The following PTPRD variants were observed in gnomAD, a reference collection of about 807,000 sequenced individuals.
The protein encoded by PTPRD is receptor-type tyrosine-protein phosphatase delta.
Under a neutral mutation model 214.5 loss-of-function variants are expected in PTPRD, and 34 were observed. The ratio of observed to expected loss-of-function variants is 0.16; its 90% CI spans 0.12 to 0.21. The LOEUF (loss-of-function observed/expected upper bound fraction) is 0.21. PTPRD is among the 10% of genes least tolerant of loss of function. The probability of loss-of-function intolerance (pLI) is 1.00; values close to 1 mark genes in which losing one functional copy is unlikely to be tolerated. For missense variants in PTPRD, 2,545 were observed against 2,398.7 expected (o/e 1.06, Z -1.27); for synonymous variants, 1,128 against 845.7 (o/e 1.33, Z -5.79).
chr9:9,709,496 A>G (rs1208090623), intron 7 of PTPRD, among the ~76,000 whole-genome samples: 1 of 152,164 alleles, frequency 6.6e-6, no homozygotes, highest in African/African-American at 2.4e-5. Context: ...AAACTGATAA[A>G]TTAGTATAAA....
chr9:8,931,008 T>C (rs1401161758), intron 11 of PTPRD, among the ~76,000 whole-genome samples: 4 of 152,234 alleles, frequency 2.6e-5, no homozygotes, highest in South Asian at 2.1e-4. Context: ...GCCATTGCTT[T>C]GGGTGTTTTA....
intron 8 of PTPRD, among the ~76,000 whole-genome samples, chr9:9,418,413 CTTATA>C (rs769135044): frequency 9.2e-5 from 14 of 151,910 alleles, no homozygotes; most frequent in Non-Finnish European, 2.1e-4. Flanking sequence ...TCTCTTGCAC[CTTATA>C]TTAATGACAA....
intron 10 of PTPRD, among the ~76,000 whole-genome samples, chr9:9,094,713 T>A (rs1350166129): frequency 6.6e-6 from 1 of 152,146 alleles, no homozygotes; most frequent in Non-Finnish European, 1.5e-5. Flanking sequence ...TAGGCCCAGA[T>A]GGCTTCCCTA....
chr9:9,445,016 AT>A (rs1218805549), intron 8 of PTPRD, among the ~76,000 whole-genome samples: 1 of 152,150 alleles, frequency 6.6e-6, no homozygotes, highest in Non-Finnish European at 1.5e-5. Flanking sequence ...TCTTGATCAA[AT>A]TTTAAAAAAA....
intron 4 of PTPRD, among the ~76,000 whole-genome samples, chr9:10,020,640 C>G (rs550031238): frequency 5.3e-5 from 1 of 18,926 alleles, no homozygotes; most frequent in East Asian, 9.7e-4. Flanking sequence ...CTCATCATCC[C>G]TGCCCACTTA....
intron 4 of PTPRD, among the ~76,000 whole-genome samples, chr9:9,942,762 T>C (rs1012768594): frequency 6.6e-6 from 1 of 152,174 alleles, no homozygotes; most frequent in Non-Finnish European, 1.5e-5. Context: ...TTTGTGTGTA[T>C]TTTTCTGTGA....
chr9:9,563,243 G>A (rs1408538359), intron 8 of PTPRD, among the ~76,000 whole-genome samples: 1 of 152,140 alleles, frequency 6.6e-6, no homozygotes, highest in Non-Finnish European at 1.5e-5. Context: ...TTTGAAATGT[G>A]AGAAGAATCC....
chr9:8,936,838 G>C (rs1306321230), intron 11 of PTPRD, among the ~76,000 whole-genome samples: 2 of 152,106 alleles, frequency 1.3e-5, no homozygotes, highest in African/African-American at 4.8e-5. Flanking sequence ...ATTCAAAATG[G>C]TTTCTTATAC....
chr9:8,720,383 A>G (rs927359195), intron 12 of PTPRD, among the ~76,000 whole-genome samples: 3 of 152,138 alleles, frequency 2.0e-5, no homozygotes, highest in Non-Finnish European at 4.4e-5. Context: ...CCACTTCTGC[A>G]CCCTCCTATT....
chr9:8,688,765 A>T (rs919735865), intron 12 of PTPRD, among the ~76,000 whole-genome samples: 1 of 152,164 alleles, frequency 6.6e-6, no homozygotes, highest in Non-Finnish European at 1.5e-5. Context: ...TCCATAGTCA[A>T]ATGAGGTTAT....
intron 2 of PTPRD, among the ~76,000 whole-genome samples, chr9:10,375,751 G>C (rs774263986): frequency 2.6e-5 from 4 of 151,942 alleles, no homozygotes; most frequent in Admixed American, 6.6e-5. Flanking sequence ...AGAATATCTG[G>C]AAAACCTTTG....
At chr9:8,646,524 G>C (rs995747236) in intron 12 of PTPRD, among the ~76,000 whole-genome samples, 2 of 151,974 alleles carry the variant, frequency 1.3e-5, no homozygotes, top group Admixed American at 1.3e-4. Flanking sequence ...CCTCAGTACA[G>C]GCTGTTCCCT....
At chr9:9,631,581 G>C (rs111374420) in intron 7 of PTPRD, among the ~76,000 whole-genome samples, 96 of 152,154 alleles carry the variant, frequency 6.3e-4, no homozygotes, top group African/African-American at 2.1e-3. Context: ...TGTATTACAA[G>C]AGAAAATACA....
intron 8 of PTPRD, among the ~76,000 whole-genome samples, chr9:9,398,690 G>C (rs891886330): frequency 6.6e-6 from 1 of 151,824 alleles, no homozygotes; most frequent in African/African-American, 2.4e-5. Flanking sequence ...AATCATATGG[G>C]AATACATTTT....
chr9:8,487,007 A>C (rs2097032840), intron 27 of PTPRD, among the ~76,000 whole-genome samples: 1 of 152,194 alleles, frequency 6.6e-6, no homozygotes, highest in Non-Finnish European at 1.5e-5. Context: ...AAAAAAACCA[A>C]ACTACAAAAT....
chr9:10,070,905 A>T (rs2097997449), intron 3 of PTPRD, among the ~76,000 whole-genome samples: 1 of 152,046 alleles, frequency 6.6e-6, no homozygotes, highest in Non-Finnish European at 1.5e-5. Flanking sequence ...AATCCCTAGA[A>T]TGAGCAAGTG....
At chr9:8,825,164 C>T (rs1458188824) in intron 11 of PTPRD, among the ~76,000 whole-genome samples, 4 of 151,948 alleles carry the variant, frequency 2.6e-5, no homozygotes, top group African/African-American at 9.7e-5. Context: ...GGTTTCTGGA[C>T]CTGTTAGAAA....
intron 11 of PTPRD, among the ~76,000 whole-genome samples, chr9:8,801,655 G>C (rs935928915): frequency 2.6e-5 from 4 of 152,196 alleles, no homozygotes; most frequent in African/African-American, 7.2e-5. Context: ...AGCAGAGGTT[G>C]CAGTGGGCAG....
intron 2 of PTPRD, among the ~76,000 whole-genome samples, chr9:10,400,865 G>T (rs2098258376): frequency 6.6e-6 from 1 of 151,152 alleles, no homozygotes; most frequent in Non-Finnish European, 1.5e-5. Context: ...CTATTTCTTT[G>T]TGTTTCCTTT....
Sources: allele counts gnomAD v4.1 joint callset (sites outside exome capture counted in the v4.1 genomes callset), GRCh38; gene constraint gnomAD v4.1.1; transcripts MANE v1.5; gene names NCBI Gene and HGNC (gene_info 2026-07-23, HGNC 2026-07-21).